SEMA3E: variants seen among roughly 807,000 people sequenced by gnomAD.
SEMA3E encodes semaphorin 3E, also known as semaphorin-3E.
A neutral mutation model predicts 93.6 loss-of-function variants in SEMA3E; 49 were observed. The ratio of observed to expected loss-of-function variants is 0.52; its 90% confidence interval spans 0.42 to 0.66. SEMA3E has a LOEUF of 0.66. Ranked by LOEUF, SEMA3E falls within the 30% of genes least tolerant of loss-of-function variation. SEMA3E has a pLI of 0.00. For missense variants in SEMA3E, 906 were observed against 964.8 expected (o/e 0.94, Z 0.81); for synonymous variants, 363 against 330.7 (o/e 1.10, Z -1.06).
intron 1 of SEMA3E, among the ~76,000 whole-genome samples, chr7:83,605,033 G>T (rs947741857): frequency 3.9e-5 from 6 of 152,162 alleles, no homozygotes; most frequent in African/African-American, 1.4e-4. Context: ...GTCTATCATT[G>T]TTTGGCATTT....
intron 1 of SEMA3E, among the ~76,000 whole-genome samples, chr7:83,533,977 T>G (rs1791358467): frequency 6.6e-6 from 1 of 152,160 alleles, no homozygotes; most frequent in Non-Finnish European, 1.5e-5. Flanking sequence ...CAAGTTCTAG[T>G]CAAAATTCAA....
At chr7:83,412,847 A>G (rs1788468968) in intron 5 of SEMA3E, among the ~76,000 whole-genome samples, 2 of 151,888 alleles carry the variant, frequency 1.3e-5, no homozygotes, top group African/African-American at 4.8e-5. Flanking sequence ...AGAAAAGGCT[A>G]TTGGGAATTT....
chr7:83,543,249 A>G (rs967591039), intron 1 of SEMA3E, among the ~76,000 whole-genome samples: 1 of 152,132 alleles, frequency 6.6e-6, no homozygotes, highest in Non-Finnish European at 1.5e-5. Context: ...TCAGTCAAAA[A>G]GAAAATAAAA....
intron 2 of SEMA3E, among the ~76,000 whole-genome samples, chr7:83,482,324 T>C (rs1790161127): frequency 6.6e-6 from 1 of 152,038 alleles, no homozygotes. Flanking sequence ...CCCGGCACTT[T>C]GGGAGGCCGA....
chr7:83,641,978 C>T (rs1301946565), intron 1 of SEMA3E, among the ~76,000 whole-genome samples: 1 of 152,152 alleles, frequency 6.6e-6, no homozygotes, highest in African/African-American at 2.4e-5. Context: ...AAGTAACTTG[C>T]TCATGCCATG....
chr7:83,416,505 T>C (rs1200023222), intron 5 of SEMA3E, among the ~76,000 whole-genome samples: 1 of 152,112 alleles, frequency 6.6e-6, no homozygotes, highest in Non-Finnish European at 1.5e-5. Context: ...ACTCTTTAAA[T>C]GAAATGTTAA....
chr7:83,567,355 C>T (rs73380738), intron 1 of SEMA3E, among the ~76,000 whole-genome samples: 4,254 of 152,160 alleles, frequency 0.028, 201 homozygotes, highest in African/African-American at 0.097. Flanking sequence ...ACTATTTAGA[C>T]AGAAAATTAA....
At chr7:83,480,926 T>C (rs1384068116) in intron 2 of SEMA3E, among the ~76,000 whole-genome samples, 1 of 152,174 alleles carries the variant, frequency 6.6e-6, no homozygotes, top group Admixed American at 6.5e-5. Flanking sequence ...AAGAAACATA[T>C]ACATTTATTT....
chr7:83,481,601 C>T (rs1044821218), intron 2 of SEMA3E, among the ~76,000 whole-genome samples: 1 of 152,024 alleles, frequency 6.6e-6, no homozygotes, highest in African/African-American at 2.4e-5. Flanking sequence ...GAAGAGTATG[C>T]TTTAGCATCA....
chr7:83,578,129 C>CT (rs1439895436), intron 1 of SEMA3E, among the ~76,000 whole-genome samples: 14 of 142,266 alleles, frequency 9.8e-5, no homozygotes, highest in Admixed American at 2.1e-4. Context: ...CCAGTAATGA[C>CT]TGTGAGAGTT....
At chr7:83,613,022 A>T (rs548747664) in intron 1 of SEMA3E, among the ~76,000 whole-genome samples, 7 of 152,250 alleles carry the variant, frequency 4.6e-5, no homozygotes, top group Admixed American at 2.6e-4. Context: ...AATACATTTA[A>T]ATAATTTAAA....
At chr7:83,494,390 T>G (rs553423330) in intron 1 of SEMA3E, among the ~76,000 whole-genome samples, 200 of 151,864 alleles carry the variant, frequency 1.3e-3, no homozygotes, top group Non-Finnish European at 2.6e-3. Flanking sequence ...AATACTATGG[T>G]GGACATTCAA....
At chr7:83,632,617 T>C (rs1183950793) in intron 1 of SEMA3E, among the ~76,000 whole-genome samples, 3 of 152,226 alleles carry the variant, frequency 2.0e-5, no homozygotes, top group Non-Finnish European at 4.4e-5. Context: ...TGTGGAACTG[T>C]AAGTACATTA....
intron 2 of SEMA3E, among the ~76,000 whole-genome samples, chr7:83,485,411 T>C (rs1790231481): frequency 6.6e-6 from 1 of 152,192 alleles, no homozygotes; most frequent in Non-Finnish European, 1.5e-5. Flanking sequence ...ACTTGCCCAA[T>C]ATTATACATG....
chr7:83,519,566 T>C (rs937963014), intron 1 of SEMA3E, among the ~76,000 whole-genome samples: 2 of 152,256 alleles, frequency 1.3e-5, no homozygotes, highest in East Asian at 3.9e-4. Context: ...GTCTCCCTAG[T>C]AAAGCCTTCA....
At chr7:83,429,809 T>C (rs1489971860) in intron 4 of SEMA3E, among the ~76,000 whole-genome samples, 7 of 152,172 alleles carry the variant, frequency 4.6e-5, no homozygotes, top group African/African-American at 1.7e-4. Flanking sequence ...GGGAATTCCA[T>C]TCGGTTTTTT....
intron 1 of SEMA3E, among the ~76,000 whole-genome samples, chr7:83,557,241 G>A (rs1791916498): frequency 6.6e-6 from 1 of 151,614 alleles, no homozygotes; most frequent in Non-Finnish European, 1.5e-5. Context: ...TCAATTAAAT[G>A]CTTTGGCATT....
At chr7:83,444,589 C>A (rs948858622) in intron 4 of SEMA3E, among the ~76,000 whole-genome samples, 1 of 151,766 alleles carries the variant, frequency 6.6e-6, no homozygotes, top group Admixed American at 6.6e-5. Context: ...CCAAGGAAAG[C>A]ATGCAATGTT....
In SEMA3E at chr7:83,453,028, C is replaced by CAT. The variant is rs377736884; in HGVS notation, c.456+13452_456+13453dup. ...GAATTCTTCTAATGCTAATTTATATCATATATATATATAATTTGAGATGGA... is the reference window on the plus strand; with the variant it reads ...GAATTCTTCTAATGCTAATTTATATCATATATATATATATAATTTGAGATGGA... On this transcript the variant is annotated intron_variant, in intron 4 of 16. Transcript: ENST00000643230. Among the ~76,000 whole-genome samples the CAT allele has an allele frequency of 7.3e-3, 1,100 of 151,624 alleles. 9 individuals carry two copies. Among genetic ancestry groups the CAT allele is most frequent in the Middle Eastern group, 0.062 (18 of 292 alleles).
Sources: allele counts gnomAD v4.1 joint callset (sites outside exome capture counted in the v4.1 genomes callset), GRCh38; gene constraint gnomAD v4.1.1; transcripts MANE v1.5; gene names NCBI Gene and HGNC (gene_info 2026-07-23, HGNC 2026-07-21).